TRMT6: variants seen among roughly 807,000 people sequenced by gnomAD.
TRMT6 encodes the protein tRNA (adenine(58)-N(1))-methyltransferase non-catalytic subunit TRM6.
A neutral mutation model predicts 59.0 loss-of-function variants in TRMT6; 34 were observed. The ratio of observed to expected loss-of-function variants is 0.58; its 90% CI spans 0.44 to 0.77. The LOEUF (loss-of-function observed/expected upper bound fraction) is 0.77, where lower values mean the gene tolerates loss of function less well. Among genes scored for constraint, TRMT6 ranks in the 30% least tolerant of loss-of-function variants. TRMT6 has a pLI of 0.00. For synonymous variants in TRMT6, 217 were observed against 210.5 expected, an observed-to-expected ratio of 1.03 and a Z score of -0.27; for missense variants, 575 against 604.5, an observed-to-expected ratio of 0.95 and a Z score of 0.51.
rs1159662218 is a variant in TRMT6 at position 5,938,700 on chromosome 20, T to C, written c.1329A>G (p.Lys443=). Residue 443 remains lysine, a synonymous_variant, in exon 11 of 11, where the codon AAA becomes AAG. Transcript: ENST00000203001. The part of the protein sequence containing the change: ...YQVLPDRSHP[K]LLMSGGGGYL... ...AACCCCCACCTCCACTCATCAGCAG[T>C]TTAGGATGACTTCGATCTGGCAAAA... 2 of 1,614,030 alleles carry C rather than the reference T, an allele frequency of 1.2e-6. No individual in the cohort carries two copies. The highest frequency in any genetic ancestry group is 1.7e-6 in the Non-Finnish European group (2 of 1,180,010).
Position 5,938,699 on chromosome 20 carries a change from G to T in TRMT6, c.1330C>A (p.Leu444Met). The change falls in exon 11 of 11, where the codon CTG becomes ATG. Residue 444 changes from leucine to methionine, a missense_variant. Transcript: ENST00000203001. ...QVLPDRSHPK[L>M]LMSGGGGYLL... ...TAACCCCCACCTCCACTCATCAGCA[G>T]TTTAGGATGACTTCGATCTGGCAAA... The T allele has an allele frequency of 6.2e-7, 1 of 1,614,184 alleles. No homozygotes were observed. The highest frequency in any genetic ancestry group is 8.5e-7 in the Non-Finnish European group (1 of 1,180,018).
intron 6 of TRMT6, 36 bp from the exon 7 acceptor site, chr20:5,942,822 A>G (rs1270415649): frequency 1.3e-6 from 2 of 1,540,998 alleles, no homozygotes; most frequent in Admixed American, 1.8e-5. Context: ...CTGCCCGTGG[A>G]GTGACTCTAG....
At chr20:5,940,970 C>CT (rs897180599) in intron 10 of TRMT6, 83 bp downstream of exon 10, 1 of 1,099,460 alleles carries the variant, frequency 9.1e-7, no homozygotes, top group Non-Finnish European at 1.4e-6. Flanking sequence ...TGAGATAACT[C>CT]TATTTAATGA....
Position 5,942,703 on chromosome 20 carries a change from GA to G in TRMT6, c.750del (p.Leu251SerfsTer108). On this transcript the variant is annotated frameshift_variant, in exon 7 of 11. Coordinates refer to ENST00000203001, the MANE Select transcript of TRMT6 (RefSeq NM_015939.5). LOFTEE classifies it high-confidence loss of function. ...ATACFGFPKS[F>X]LSGLYEFPLN... is the part of the protein sequence containing the mutation. ...AGAGGGAATTCATAAAGACCACTGAGAAAAGATTTGGGAAATCCAAAACATG... is the reference window on the plus strand; with the variant it reads ...AGAGGGAATTCATAAAGACCACTGAGAAAGATTTGGGAAATCCAAAACATG... 1 of 1,614,186 alleles carries G rather than the reference GA, an allele frequency of 6.2e-7. No individual in the cohort carries two copies. The highest frequency in any genetic ancestry group is 8.5e-7 in the Non-Finnish European group (1 of 1,180,034).
chr20:5,942,370 C>T (rs1447965446), intron 7 of TRMT6, 58 bp downstream of exon 7: 1 of 1,458,158 alleles, frequency 6.9e-7, no homozygotes, highest in East Asian at 2.3e-5. Flanking sequence ...CATGACTTAA[C>T]TGAAGTTAAC....
Position 5,950,524 on chromosome 20 carries a change from C to T in TRMT6, c.-119G>A, listed in dbSNP as rs141824756. ...GGAGCCCTCCGACCGGCACCGCCCCCACGTGTTGCACGCCGCTTCCGCTTT... is the reference window on the plus strand; with the variant it reads ...GGAGCCCTCCGACCGGCACCGCCCCTACGTGTTGCACGCCGCTTCCGCTTT... On this transcript the variant is annotated 5_prime_UTR_variant, in exon 1 of 11. Transcript: ENST00000203001. 1,084 of 1,150,450 alleles carry T rather than the reference C, an allele frequency of 9.4e-4. 9 individuals are homozygous for T. The highest frequency in any genetic ancestry group is 5.9e-3 in the East Asian group (200 of 33,766). 71.3% of individuals were successfully genotyped at this position (1,150,450 alleles called of 1,614,324 possible).
intron 1 of TRMT6, 69 bp downstream of exon 1, chr20:5,950,209 G>T: frequency 6.8e-7 from 1 of 1,463,758 alleles, no homozygotes; most frequent in Non-Finnish European, 9.2e-7. Context: ...ATTCTGTGGA[G>T]AAACCTGGAG....
chr20:5,945,460 A>C (rs1320199454), intron 2 of TRMT6, among the ~76,000 whole-genome samples: 1 of 152,196 alleles, frequency 6.6e-6, no homozygotes, highest in African/African-American at 2.4e-5. Context: ...TTGCTTTACC[A>C]AATTAGTACA....
At chr20:5,948,275 C>A (rs1031537815) in intron 1 of TRMT6, among the ~76,000 whole-genome samples, 1 of 152,084 alleles carries the variant, frequency 6.6e-6, no homozygotes, top group Non-Finnish European at 1.5e-5. Context: ...GAATGTGGGG[C>A]CCCGTTAGAG....
rs750786259 is a variant in TRMT6 at position 5,941,227 on chromosome 20, TC to T, written c.1215+15del. The T allele has an allele frequency of 6.2e-7, 1 of 1,611,276 alleles. No individual in the cohort carries two copies. Among genetic ancestry groups the T allele is most frequent in the South Asian group, 1.1e-5 (1 of 91,026 alleles). On this transcript the variant is annotated intron_variant, in intron 9 of 10. Coordinates refer to ENST00000203001, the MANE Select transcript of TRMT6 (RefSeq NM_015939.5). ...TTCAGACATAAGAATTCCTGCCCAT[TC>T]CATTCCAGTATTACCTCTTTGTACT... is the stretch of plus-strand genomic sequence containing the variant.
intron 1 of TRMT6, among the ~76,000 whole-genome samples, chr20:5,949,246 A>G (rs1320980398): frequency 6.6e-6 from 1 of 151,576 alleles, no homozygotes; most frequent in Admixed American, 6.6e-5. Flanking sequence ...CCAGAGTCCC[A>G]GCCACTAGGG....
rs1190574709 is a variant in TRMT6 at position 5,943,997 on chromosome 20, T to C, written c.493A>G (p.Thr165Ala). Residue 165 changes from threonine (T) to alanine (A), a missense_variant, in exon 5 of 11, where the codon ACC (threonine) becomes GCC (alanine). Transcript: ENST00000203001. ...TAATACATAATTGAAAGAATACGGG[T>C]GGATGGCTTCACAACAGTAATGATG... ...EAIITVVKPS[T>A]RILSIMYYAR... The C allele has an allele frequency of 6.2e-7, 1 of 1,610,044 alleles. No individual in the cohort carries two copies. The highest frequency in any genetic ancestry group is 1.3e-5 in the African/African-American group (1 of 74,924).
chr20:5,941,604 A>C lies in TRMT6; in HGVS notation c.1113-259T>G, dbSNP rs1051845050. 6 of 552,124 alleles carry C rather than the reference A, an allele frequency of 1.1e-5. No homozygotes were observed. The East Asian group carries it at 1.8e-4, about 17-fold the overall frequency. The allele number at this position is 552,124 out of a possible 1,614,324, so 34.2% of individuals were successfully genotyped here. A position where few individuals can be genotyped will look rare whatever the true frequency, so the allele number is the denominator to read the frequency against. On this transcript the variant is annotated intron_variant, in intron 8 of 10. Transcript: ENST00000203001. ...ATGACATTCTTGATTTTTTAAAAAAAATCACCTGGAAACAAATCCAACACT... is the reference window on the plus strand; with the variant it reads ...ATGACATTCTTGATTTTTTAAAAAACATCACCTGGAAACAAATCCAACACT...
intron 1 of TRMT6, among the ~76,000 whole-genome samples, chr20:5,947,534 A>G (rs997233800): frequency 1.3e-5 from 2 of 152,220 alleles, no homozygotes; most frequent in African/African-American, 4.8e-5. Flanking sequence ...TTTGAGTCAC[A>G]TCTTCATTAA....
rs138599064 is a variant in TRMT6, at chr20:5,942,697, C to T, written c.757G>A (p.Gly253Ser). Residue 253 changes from glycine to serine, a missense_variant, in exon 7 of 11, where the codon GGT becomes AGT. By Grantham distance (56) the Gly-to-Ser change is moderately conservative (BLOSUM62 0). Coordinates refer to ENST00000203001, the MANE Select transcript of TRMT6 (RefSeq NM_015939.5). ...TTGTTGAGAGGGAATTCATAAAGAC[C>T]ACTGAGAAAAGATTTGGGAAATCCA... Reference protein sequence around the residue: ...CFGFPKSFLSGLYEFPLNKVD... With the variant: ...CFGFPKSFLSSLYEFPLNKVD... 102 of 1,613,938 alleles carry T rather than the reference C, an allele frequency of 6.3e-5. No individual in the cohort carries two copies. Among genetic ancestry groups the T allele is most frequent in the Admixed American group, 1.5e-4 (9 of 59,980 alleles).
rs2088669605 is a variant in TRMT6 at position 5,942,753 on chromosome 20, C to T, written c.701G>A (p.Gly234Glu). The T allele has an allele frequency of 6.2e-7, 1 of 1,614,008 alleles. No homozygotes were observed. Among genetic ancestry groups the T allele is most frequent in the African/African-American group, 1.3e-5 (1 of 74,962 alleles). The change falls in exon 7 of 11, where the codon GGA becomes GAA. Residue 234 changes from glycine to glutamate, a missense_variant. Physicochemically the swap from Gly to Glu is moderately conservative, Grantham distance 98. Coordinates refer to ENST00000203001, the MANE Select transcript of TRMT6 (RefSeq NM_015939.5). The part of the protein sequence containing the change: ...FGSIIQLYPG[G>E]GPVRAATACF... ...TGCTGTTGCTGCCCGAACAGGTCCT[C>T]CTCCAGGGTATAGCTGAATAATGGA...
intron 8 of TRMT6, 76 bp from the exon 9 acceptor site, chr20:5,941,421 TG>T (rs1339328597): frequency 4.9e-6 from 5 of 1,027,106 alleles, no homozygotes; most frequent in Non-Finnish European, 5.9e-6. Context: ...GCATTTAAAA[TG>T]ATCATGTATT....
intron 5 of TRMT6, 23 bp from the exon 6 acceptor site, chr20:5,943,706 T>C (rs2088679717): frequency 6.2e-7 from 1 of 1,605,662 alleles, no homozygotes; most frequent in South Asian, 1.1e-5. Context: ...CAATAATTTG[T>C]TCATTTTTAG....
In TRMT6 at chr20:5,942,054, A is replaced by G. The variant is rs1445158199; in HGVS notation, c.1027-18T>C. The G allele has an allele frequency of 6.2e-7, 1 of 1,601,604 alleles. No individual in the cohort carries two copies. The highest frequency in any genetic ancestry group is 1.7e-5 in the Admixed American group (1 of 60,016). On this transcript the variant is annotated intron_variant, in intron 7 of 10. Coordinates refer to ENST00000203001, the MANE Select transcript of TRMT6 (RefSeq NM_015939.5). Reference sequence around the variant, plus strand: ...TCCTGAATCTTCAAAAAGAAAAATAAGAAATCAATGTACTGGGGTCTTTCA... The same window carrying G: ...TCCTGAATCTTCAAAAAGAAAAATAGGAAATCAATGTACTGGGGTCTTTCA...
Sources: allele counts gnomAD v4.1 joint callset (sites outside exome capture counted in the v4.1 genomes callset), GRCh38; gene constraint gnomAD v4.1.1; transcripts MANE v1.5; gene names NCBI Gene and HGNC (gene_info 2026-07-23, HGNC 2026-07-21).